PTPRE: variants seen among roughly 807,000 people sequenced by gnomAD.
PTPRE encodes protein tyrosine phosphatase receptor type E.
Under a neutral mutation model 102.0 loss-of-function variants are expected in PTPRE, and 51 were observed. The observed-to-expected ratio is 0.50, with a 90% CI of 0.40 to 0.63. The LOEUF is 0.63. PTPRE is among the 30% of genes least tolerant of loss of function. PTPRE has a pLI of 0.00. For missense variants in PTPRE, 752 were observed against 915.1 expected (o/e 0.82, Z 2.30); for synonymous variants, 345 against 348.2 (o/e 0.99, Z 0.10).
In PTPRE at chr10:128,008,330, C is replaced by G. The variant is rs1022745532; in HGVS notation, c.-8+26034C>G. On this transcript the variant is annotated intron_variant, in intron 2 of 20. Transcript: ENST00000254667. This position sits in a 1 kb window ranked among gnomAD's most constrained non-coding sequence, Gnocchi z 4.0. ...GGCATTCACACTGCACCTCTGGCCT[C>G]CTCCTGGAGCTTCTGGAAGGTGAGA... Among the ~76,000 whole-genome samples the G allele has an allele frequency of 5.9e-5, 9 of 151,782 alleles. No homozygotes were observed. The highest frequency in any genetic ancestry group is 1.0e-4 in the Non-Finnish European group (7 of 67,950).
chr10:128,066,309 C>T (rs1850085215), intron 11 of PTPRE, 115 bp downstream of exon 11: 1 of 1,505,078 alleles, frequency 6.6e-7, no homozygotes, highest in Admixed American at 1.9e-5. Context: ...GGCACTGTCG[C>T]AGCCCTGGCT....
intron 2 of PTPRE, among the ~76,000 whole-genome samples, chr10:128,020,763 C>G (rs1845807113): frequency 6.6e-6 from 1 of 152,186 alleles, no homozygotes; most frequent in Non-Finnish European, 1.5e-5. Context: ...GTACTGCCAT[C>G]CTGCTGCATC....
In PTPRE at chr10:128,028,574, C is replaced by G. The variant is rs1416980794; in HGVS notation, c.-7-12301C>G. On this transcript the variant is annotated intron_variant, in intron 2 of 20. Transcript: ENST00000254667. This position sits in a 1 kb window ranked among gnomAD's most constrained non-coding sequence, Gnocchi z 4.5. ...GTTGCAGAAGGCCACTGCCTCGCTGCAGGAGGCTGGCCCTCAGCGCCCAGC... is the reference window on the plus strand; with the variant it reads ...GTTGCAGAAGGCCACTGCCTCGCTGGAGGAGGCTGGCCCTCAGCGCCCAGC... Among the ~76,000 whole-genome samples the G allele has an allele frequency of 6.6e-6, 1 of 152,154 alleles. No homozygotes were observed. Among genetic ancestry groups the G allele is most frequent in the Admixed American group, 6.5e-5 (1 of 15,280 alleles).
Position 127,950,168 on chromosome 10 carries a change from G to A in PTPRE, c.-30-32106G>A, listed in dbSNP as rs555850122. On this transcript the variant is annotated intron_variant, in intron 1 of 20. Coordinates refer to ENST00000254667, the MANE Select transcript of PTPRE (RefSeq NM_006504.6). ...TACTTTGGTTTTCTAATTTATACAA[G>A]CAGAAATTCGGGGAACATGTGTGGG... Among the ~76,000 whole-genome samples the A allele has an allele frequency of 4.6e-5, 7 of 151,952 alleles. No individual in the cohort carries two copies. In the South Asian group the frequency reaches 1.2e-3, roughly 27 times the overall value.
intron 2 of PTPRE, among the ~76,000 whole-genome samples, chr10:128,016,808 T>C (rs115017195): frequency 0.011 from 1,630 of 152,332 alleles, 36 homozygotes; most frequent in African/African-American, 0.037. Flanking sequence ...AGACTCACCT[T>C]GTTTAGCCCA....
intron 2 of PTPRE, among the ~76,000 whole-genome samples, chr10:127,992,000 A>G (rs1852712942): frequency 6.6e-6 from 1 of 152,160 alleles, no homozygotes; most frequent in South Asian, 2.1e-4. Flanking sequence ...AGCACTGACC[A>G]GTGAGCCCAC....
At chr10:127,940,632 G>A (rs899373394) in intron 1 of PTPRE, among the ~76,000 whole-genome samples, 1 of 152,212 alleles carries the variant, frequency 6.6e-6, no homozygotes, top group African/African-American at 2.4e-5. Flanking sequence ...CTGAGTCCCA[G>A]ATGGATGTCT....
At chr10:128,058,500 G>A (rs1002368851) in intron 7 of PTPRE, among the ~76,000 whole-genome samples, 4 of 152,250 alleles carry the variant, frequency 2.6e-5, no homozygotes, top group Non-Finnish European at 2.9e-5. Flanking sequence ...GGGGGACCAG[G>A]ACGTGGCACT....
rs201769705 is a variant in PTPRE, at chr10:128,077,772, C to T, written c.1881C>T (p.Thr627=). ...AGCAGACAGGCAACCACCCCATCAC[C>T]GTGCACTGCAGGTGAGCCCCCAGCC... The part of the protein sequence containing the change: ...QQQQTGNHPI[T]VHCSAGAGRT... The change falls in exon 19 of 21, where the codon ACC becomes ACT. Residue 627 remains threonine, a synonymous_variant. Transcript: ENST00000254667. 19 of 1,596,976 alleles carry T rather than the reference C, an allele frequency of 1.2e-5. No individual in the cohort carries two copies. The highest frequency in any genetic ancestry group is 5.4e-5 in the African/African-American group (4 of 74,646).
intron 1 of PTPRE, chr10:127,934,264 T>C (rs1036988229): frequency 1.3e-5 from 2 of 152,142 alleles, no homozygotes; most frequent in Admixed American, 6.5e-5. Context: ...CTGGTGTTCA[T>C]TGTATTGCTT....
chr10:128,071,969 C>A, intron 15 of PTPRE, 169 bp from the exon 16 acceptor site: 3 of 552,888 alleles, frequency 5.4e-6, no homozygotes, highest in South Asian at 2.7e-5. Context: ...AGAAAAATAC[C>A]CCTGAGCCAC....
chr10:128,073,085 A>C (rs1334249105), intron 16 of PTPRE, among the ~76,000 whole-genome samples: 4 of 152,216 alleles, frequency 2.6e-5, no homozygotes, highest in African/African-American at 7.2e-5. Context: ...ACAGGCAACT[A>C]CCAGTTCATA....
chr10:127,921,480 C>T (rs774801086), intron 1 of PTPRE, among the ~76,000 whole-genome samples: 20 of 152,114 alleles, frequency 1.3e-4, no homozygotes, highest in South Asian at 2.1e-4. Flanking sequence ...GATGGAAGGC[C>T]GGGGTAGACA....
chr10:128,060,943 C>A lies in PTPRE; in HGVS notation c.516C>A (p.Asp172Glu), dbSNP rs1849533615. Residue 172 changes from aspartate to glutamate, a missense_variant, in exon 8 of 21, where the codon GAC becomes GAA. Physicochemically the swap from Asp to Glu is conservative, Grantham distance 45 (BLOSUM62 2). Coordinates refer to ENST00000254667, the MANE Select transcript of PTPRE (RefSeq NM_006504.6). ...TTGTTTGGGTTTTTTTTCCAGATGACCATTCTAGGGTGATTCTGAGCCAAC... is the reference window on the plus strand; with the variant it reads ...TTGTTTGGGTTTTTTTTCCAGATGAACATTCTAGGGTGATTCTGAGCCAAC... ...KNRYPNILPN[D>E]HSRVILSQLD... is the part of the protein sequence containing the mutation. 1 of 1,613,806 alleles carries A rather than the reference C, an allele frequency of 6.2e-7. No individual in the cohort carries two copies. Among genetic ancestry groups the A allele is most frequent in the African/African-American group, 1.3e-5 (1 of 74,884 alleles).
chr10:127,987,311 C>T, intron 2 of PTPRE: 1 of 1,258,404 alleles, frequency 7.9e-7, no homozygotes, highest in Non-Finnish European at 1.0e-6. Flanking sequence ...TGGAATTCTT[C>T]TAGAAATCCT....
At chr10:127,915,980 C>T (rs532634521) in intron 1 of PTPRE, among the ~76,000 whole-genome samples, 8 of 148,966 alleles carry the variant, frequency 5.4e-5, no homozygotes, top group South Asian at 2.1e-4. Flanking sequence ...CTGTGCTTAG[C>T]GCTGGAGTTA....
chr10:128,078,459 C>T (rs922626534), intron 19 of PTPRE, among the ~76,000 whole-genome samples: 2 of 152,246 alleles, frequency 1.3e-5, no homozygotes, highest in Non-Finnish European at 2.9e-5. Flanking sequence ...GCAGGGACCT[C>T]GACACCCGGC....
chr10:128,054,238 G>A (rs956158236), intron 6 of PTPRE, among the ~76,000 whole-genome samples: 4 of 152,136 alleles, frequency 2.6e-5, no homozygotes, highest in African/African-American at 9.7e-5. Flanking sequence ...CTGCTCTGTT[G>A]TTACTAGCAG....
chr10:128,047,424 G>A lies in PTPRE; in HGVS notation c.144G>A (p.Leu48=), dbSNP rs1476155187. The A allele has an allele frequency of 1.2e-6, 2 of 1,613,070 alleles. No homozygotes were observed. The highest frequency in any genetic ancestry group is 1.7e-6 in the Non-Finnish European group (2 of 1,179,988). Residue 48 remains leucine, a synonymous_variant, in exon 4 of 21, where the codon CTG becomes CTA. Transcript: ENST00000254667. The part of the protein sequence containing the change: ...PPDPGASQPL[L]AWLLLPLLLL... ...ACCCGGGCGCCTCCCAGCCGCTGCT[G>A]GCCTGGCTGCTACTGCCGCTGCTGC...
Sources: gnomAD v4.1 joint callset for allele counts (sites outside exome capture counted in the v4.1 genomes callset) on GRCh38, gnomAD v4.1.1 for gene constraint, Gnocchi (gnomAD v3.1) non-coding constraint, MANE v1.5 for transcripts, NCBI Gene and HGNC (gene_info 2026-07-23, HGNC 2026-07-21) for gene names.